DDX42: variants seen among roughly 807,000 people sequenced by gnomAD.
The protein encoded by DDX42 is DEAD-box helicase 42.
A neutral mutation model predicts 101.5 loss-of-function variants in DDX42; 22 were observed. The observed-to-expected ratio is 0.22, with a 90% CI of 0.15 to 0.31. DDX42 has a LOEUF of 0.31. Ranked by LOEUF, DDX42 falls within the 10% of genes least tolerant of loss-of-function variation. The pLI is 1.00. For synonymous variants in DDX42, 402 were observed against 401.2 expected, an observed-to-expected ratio of 1.00 and a Z score of -0.02; for missense variants, 849 against 1,199.9, an observed-to-expected ratio of 0.71 and a Z score of 4.32.
intron 11 of DDX42, chr17:63,810,251 ATTTTT>A (rs11450730): frequency 7.4e-5 from 9 of 121,250 alleles, no homozygotes; most frequent in South Asian, 2.2e-4. Flanking sequence ...CAGCCTGGCT[ATTTTT>A]TTTTTTTTTT....
chr17:63,818,051 A>G lies in DDX42; in HGVS notation c.2470A>G (p.Thr824Ala), dbSNP rs763981104. Reference sequence around the variant, plus strand: ...CAGCAGCCGTCACAGTCACGGAGAGACTGGCAATCGGCATAGCGATAGTCC... The same window carrying G: ...CAGCAGCCGTCACAGTCACGGAGAGGCTGGCAATCGGCATAGCGATAGTCC... ...RGSSRHSHGETGNRHSDSPRH... is the reference protein window; with the variant it reads ...RGSSRHSHGEAGNRHSDSPRH... Residue 824 changes from threonine (T) to alanine (A), a missense_variant, in exon 18 of 18, where the codon ACT becomes GCT. By Grantham distance (58) the Thr-to-Ala change is moderately conservative. Around this residue, in one of 5 missense-constraint regions of DDX42, gnomAD observed 300 missense variants for 304.9 expected, o/e 0.98. Coordinates refer to ENST00000389924, the MANE Select transcript of DDX42 (RefSeq NM_203499.3). 8.7e-6 allele frequency: 14 copies of G among 1,613,878 alleles called. No homozygotes were observed. The Admixed American group carries it at 1.8e-4, about 21-fold the overall frequency.
At chr17:63,783,510 G>A (rs554733448) in intron 1 of DDX42, among the ~76,000 whole-genome samples, 64 of 152,212 alleles carry the variant, frequency 4.2e-4, no homozygotes, top group African/African-American at 1.3e-3. Context: ...GTTTAAAAAC[G>A]TCAGATGCTG....
chr17:63,814,781 T>C (rs546925124), intron 15 of DDX42, among the ~76,000 whole-genome samples: 83 of 146,352 alleles, frequency 5.7e-4, no homozygotes, highest in Non-Finnish European at 1.0e-3. Context: ...CCTCTGCGTC[T>C]CCGGTTCAAA....
At chr17:63,805,956 G>A (rs1488527500) in intron 7 of DDX42, 1 of 152,250 alleles carries the variant, frequency 6.6e-6, no homozygotes, top group Non-Finnish European at 1.5e-5. Context: ...CCACTTTGGG[G>A]GACAAAATGG....
chr17:63,808,097 T>G (rs1023455927), intron 9 of DDX42, among the ~76,000 whole-genome samples, 197 bp downstream of exon 9: 3 of 152,252 alleles, frequency 2.0e-5, no homozygotes, highest in Non-Finnish European at 4.4e-5. Flanking sequence ...CAGGAAACTT[T>G]TGGAAAGTAT....
rs1250286907 is a variant in DDX42, at chr17:63,815,543, T to C, written c.1903-20T>C. The C allele has an allele frequency of 1.3e-6, 2 of 1,585,136 alleles. No homozygotes were observed. Among genetic ancestry groups the C allele is most frequent in the South Asian group, 2.2e-5 (2 of 90,052 alleles). On this transcript the variant is annotated intron_variant, in intron 15 of 17. Transcript: ENST00000389924. Reference sequence around the variant, plus strand: ...CTTTTCTCCCTCCCTTGACTTAACCTTGAATTTTGTTCAATGCAGAATGCC... The same window carrying C: ...CTTTTCTCCCTCCCTTGACTTAACCCTGAATTTTGTTCAATGCAGAATGCC...
intron 11 of DDX42, among the ~76,000 whole-genome samples, chr17:63,809,914 C>T (rs1001961692): frequency 6.6e-6 from 1 of 152,116 alleles, no homozygotes; most frequent in Admixed American, 6.5e-5. Flanking sequence ...CATTTTTATC[C>T]ATATGCCTTT....
intron 15 of DDX42, among the ~76,000 whole-genome samples, chr17:63,814,696 T>C (rs1460870928): frequency 6.8e-6 from 1 of 146,016 alleles, no homozygotes; most frequent in Non-Finnish European, 1.5e-5. Context: ...TTTTTTTTTT[T>C]TTCTTTTTTC....
At chr17:63,799,505 A>G in intron 4 of DDX42, 84 bp from the exon 5 acceptor site, 2 of 1,484,296 alleles carry the variant, frequency 1.3e-6, no homozygotes, top group Non-Finnish European at 1.9e-6. Context: ...TGCTGTGTGG[A>G]ATTCAACACT....
Position 63,816,871 on chromosome 17 carries a change from C to G in DDX42, c.2017C>G (p.Arg673Gly), listed in dbSNP as rs1165869912. 2.5e-6 allele frequency: 4 copies of G among 1,610,072 alleles called. No individual in the cohort carries two copies. The highest frequency in any genetic ancestry group is 3.4e-6 in the Non-Finnish European group (4 of 1,178,540). The change falls in exon 17 of 18, where the codon CGA (arginine) becomes GGA (glycine). Residue 673 changes from arginine to glycine, a missense_variant. Physicochemically the swap from Arg to Gly is moderately radical, Grantham distance 125. This residue lies in a region of DDX42 where 86 missense variants were observed against 160.8 expected (regional missense o/e 0.53). Coordinates refer to ENST00000389924, the MANE Select transcript of DDX42 (RefSeq NM_203499.3). Reference protein sequence around the residue: ...RPGLGSENMDRGNNNVMSNYE... With the variant: ...RPGLGSENMDGGNNNVMSNYE... Reference sequence around the variant, plus strand: ...ATAGATGTGTTTATTTTTTTAGGATCGAGGAAATAACAATGTAATGAGCAA... The same window carrying G: ...ATAGATGTGTTTATTTTTTTAGGATGGAGGAAATAACAATGTAATGAGCAA...
intron 1 of DDX42, among the ~76,000 whole-genome samples, chr17:63,781,402 A>G (rs1306565021): frequency 1.3e-5 from 2 of 151,874 alleles, no homozygotes. Context: ...TATTTTTAGT[A>G]GAGATGGGGT....
intron 2 of DDX42, among the ~76,000 whole-genome samples, chr17:63,790,363 G>C (rs894379345): frequency 6.6e-6 from 1 of 152,092 alleles, no homozygotes; most frequent in Non-Finnish European, 1.5e-5. Context: ...AATCGCTCAC[G>C]TCTGTAATCC....
At chr17:63,810,418 C>A in intron 11 of DDX42, 95 bp from the exon 12 acceptor site, 2 of 1,338,358 alleles carry the variant, frequency 1.5e-6, no homozygotes, top group Admixed American at 4.1e-5. Context: ...TTAATTCTTA[C>A]AACTTCTTAT....
chr17:63,817,354 G>A, intron 17 of DDX42: 1 of 324,726 alleles, frequency 3.1e-6, no homozygotes, highest in Non-Finnish European at 5.7e-6. Context: ...AGGTTTTGCT[G>A]TCAAACTTAA....
At position 63,818,404 on chromosome 17, in the gene DDX42, A is replaced by C; in HGVS notation, c.*6A>C. The C allele has an allele frequency of 1.2e-6, 2 of 1,610,112 alleles. No individual in the cohort carries two copies. Among genetic ancestry groups the C allele is most frequent in the Non-Finnish European group, 1.7e-6 (2 of 1,178,316 alleles). On this transcript the variant is annotated 3_prime_UTR_variant, in exon 18 of 18. Transcript: ENST00000389924. The stretch of plus-strand genomic sequence containing the variant: ...AAAGTCGATGGGACAGTTAGAGGGG[A>C]TGTGCTAAAGCGTGAAATCAGTTGT...
intron 1 of DDX42, among the ~76,000 whole-genome samples, chr17:63,775,691 CTG>C (rs2039412063): frequency 6.6e-6 from 1 of 152,054 alleles, no homozygotes; most frequent in South Asian, 2.1e-4. Context: ...GTTTGGAGCA[CTG>C]TGAGCTGAGG....
chr17:63,782,315 AC>A (rs752715235), intron 1 of DDX42, among the ~76,000 whole-genome samples: 5 of 152,132 alleles, frequency 3.3e-5, no homozygotes, highest in Non-Finnish European at 5.9e-5. Flanking sequence ...TTCTTTTCTC[AC>A]TCTGCATGGT....
chr17:63,816,333 A>C (rs1169199878), intron 16 of DDX42, among the ~76,000 whole-genome samples: 4 of 152,226 alleles, frequency 2.6e-5, no homozygotes, highest in African/African-American at 4.8e-5. Flanking sequence ...GATGATGCAT[A>C]ATAATAGGTA....
At chr17:63,800,741 T>A in intron 6 of DDX42, 124 bp downstream of exon 6, 1 of 1,197,932 alleles carries the variant, frequency 8.3e-7, no homozygotes, top group Non-Finnish European at 1.1e-6. Flanking sequence ...TTGTCATCTC[T>A]ACTAAGTGGT....
Sources: gnomAD v4.1 joint callset for allele counts (sites outside exome capture counted in the v4.1 genomes callset) on GRCh38, gnomAD v4.1.1 for gene constraint, gnomAD v4.1.1 regional missense constraint, MANE v1.5 for transcripts, NCBI Gene and HGNC (gene_info 2026-07-23, HGNC 2026-07-21) for gene names.